Variants in PKIB observed in about 807,000 individuals in gnomAD.
The protein encoded by PKIB is cAMP-dependent protein kinase inhibitor beta.
PKIB carries 2 observed loss-of-function variants against 4.5 expected under a neutral mutation model. That is an observed-to-expected ratio of 0.44 (90% CI 0.18 to 1.39). The LOEUF is 1.39. Among genes scored for constraint, PKIB ranks in the 40% most tolerant of loss-of-function variants. PKIB has a pLI of 0.27. For missense variants in PKIB, 94 were observed against 92.6 expected, an observed-to-expected ratio of 1.02 and a Z score of -0.06; for synonymous variants, 38 against 36.0, an observed-to-expected ratio of 1.06 and a Z score of -0.20.
At chr6:122,665,129 G>T (rs1312354450) in intron 2 of PKIB, among the ~76,000 whole-genome samples, 1 of 151,854 alleles carries the variant, frequency 6.6e-6, no homozygotes, top group Non-Finnish European at 1.5e-5. Context: ...CATATACCTG[G>T]GTTAAAAAAA....
At chr6:122,666,363 C>G (rs1382738255) in intron 2 of PKIB, among the ~76,000 whole-genome samples, 1 of 152,166 alleles carries the variant, frequency 6.6e-6, no homozygotes, top group Non-Finnish European at 1.5e-5. Flanking sequence ...AAAATCATGT[C>G]CGTTTAATAG....
intron 2 of PKIB, among the ~76,000 whole-genome samples, chr6:122,574,883 G>T (rs1358698022): frequency 6.6e-6 from 1 of 151,930 alleles, no homozygotes; most frequent in Non-Finnish European, 1.5e-5. Context: ...GCAACCAAGT[G>T]AAAAATAAAT....
At chr6:122,638,419 G>T (rs1776008377) in intron 2 of PKIB, among the ~76,000 whole-genome samples, 1 of 152,136 alleles carries the variant, frequency 6.6e-6, no homozygotes, top group Non-Finnish European at 1.5e-5. Flanking sequence ...GAACTTTCTA[G>T]TCTTTCTGTT....
At chr6:122,534,735 C>G (rs1411274888) in intron 2 of PKIB, among the ~76,000 whole-genome samples, 2 of 152,084 alleles carry the variant, frequency 1.3e-5, no homozygotes, top group Non-Finnish European at 2.9e-5. Flanking sequence ...AGTGATCCTC[C>G]CACTTCAGCC....
At chr6:122,517,268 A>G (rs1385142605) in intron 2 of PKIB, among the ~76,000 whole-genome samples, 1 of 152,192 alleles carries the variant, frequency 6.6e-6, no homozygotes, top group Non-Finnish European at 1.5e-5. Context: ...ACTCACCTTC[A>G]GGCATTATTC....
intron 2 of PKIB, among the ~76,000 whole-genome samples, chr6:122,667,498 C>T (rs1402886442): frequency 2.0e-5 from 3 of 151,036 alleles, no homozygotes; most frequent in African/African-American, 7.3e-5. Flanking sequence ...GATGACGCCA[C>T]TGCACTCCAG....
chr6:122,629,569 A>G (rs1328255489), intron 1 of PKIB, among the ~76,000 whole-genome samples: 2 of 152,166 alleles, frequency 1.3e-5, no homozygotes, highest in Non-Finnish European at 2.9e-5. Flanking sequence ...TTCTTTCCCA[A>G]AAATACAGAG....
intron 2 of PKIB, among the ~76,000 whole-genome samples, chr6:122,494,056 C>T (rs79568904): frequency 0.019 from 2,966 of 152,144 alleles, 34 homozygotes; most frequent in Non-Finnish European, 0.033. Flanking sequence ...TTTTGAAAAA[C>T]CTATTAGTAA....
chr6:122,625,579 A>C (rs893953569), intron 1 of PKIB, among the ~76,000 whole-genome samples: 1 of 152,126 alleles, frequency 6.6e-6, no homozygotes, highest in Non-Finnish European at 1.5e-5. Flanking sequence ...CGGAGGTTGC[A>C]GTGAGCTGAG....
At chr6:122,536,728 G>A (rs1777416359) in intron 2 of PKIB, among the ~76,000 whole-genome samples, 1 of 151,318 alleles carries the variant, frequency 6.6e-6, no homozygotes, top group Admixed American at 6.6e-5. Context: ...TGTACCAGTT[G>A]ACATAAAGAC....
intron 3 of PKIB, among the ~76,000 whole-genome samples, chr6:122,588,861 T>A (rs1773931476): frequency 6.6e-6 from 1 of 152,092 alleles, no homozygotes; most frequent in African/African-American, 2.4e-5. Context: ...AAACAGAAAC[T>A]TGGAGAGGCT....
At chr6:122,563,130 T>C (rs1057343901) in intron 2 of PKIB, among the ~76,000 whole-genome samples, 23 of 152,260 alleles carry the variant, frequency 1.5e-4, no homozygotes, top group African/African-American at 5.5e-4. Context: ...AGGCTGTTGT[T>C]CAGATTCTTT....
At chr6:122,543,012 T>C (rs1777655891) in intron 2 of PKIB, among the ~76,000 whole-genome samples, 1 of 152,142 alleles carries the variant, frequency 6.6e-6, no homozygotes, top group Admixed American at 6.5e-5. Flanking sequence ...TACGACCCTC[T>C]GAGCCAGGTG....
intron 2 of PKIB, among the ~76,000 whole-genome samples, chr6:122,540,502 T>C (rs1180235718): frequency 6.6e-6 from 1 of 152,082 alleles, no homozygotes; most frequent in Non-Finnish European, 1.5e-5. Flanking sequence ...TGAGTGAGTT[T>C]CTTAGTCCTG....
At chr6:122,711,359 A>G (rs1779267914) in intron 3 of PKIB, among the ~76,000 whole-genome samples, 1 of 152,194 alleles carries the variant, frequency 6.6e-6, no homozygotes. Context: ...TAAACTTAGG[A>G]AAGACTTTGA....
At chr6:122,600,130 C>A (rs1774318120) in intron 3 of PKIB, among the ~76,000 whole-genome samples, 1 of 152,092 alleles carries the variant, frequency 6.6e-6, no homozygotes, top group African/African-American at 2.4e-5. Flanking sequence ...TCAAGGTAAG[C>A]CAGTATGAGT....
chr6:122,646,902 A>C (rs1776341786), intron 2 of PKIB, among the ~76,000 whole-genome samples: 1 of 151,942 alleles, frequency 6.6e-6, no homozygotes, highest in African/African-American at 2.4e-5. Flanking sequence ...TTTTAATGGA[A>C]TTTTTCTTAC....
At chr6:122,711,214 A>G (rs990148951) in intron 3 of PKIB, among the ~76,000 whole-genome samples, 2 of 152,154 alleles carry the variant, frequency 1.3e-5, no homozygotes, top group African/African-American at 4.8e-5. Context: ...AACCTGTTTA[A>G]TTTTTAGAAA....
At chr6:122,648,665 C>G (rs1167649692) in intron 2 of PKIB, among the ~76,000 whole-genome samples, 1 of 152,188 alleles carries the variant, frequency 6.6e-6, no homozygotes, top group East Asian at 1.9e-4. Flanking sequence ...GTAGTTTTGA[C>G]AGAAACTTTA....
Sources: allele counts gnomAD v4.1 joint callset (sites outside exome capture counted in the v4.1 genomes callset), GRCh38; gene constraint gnomAD v4.1.1; transcripts MANE v1.5; gene names NCBI Gene and HGNC (gene_info 2026-07-23, HGNC 2026-07-21).